The following PARL variants were observed in gnomAD, a reference collection of about 807,000 sequenced individuals.
The protein encoded by PARL is presenilin-associated rhomboid-like protein, mitochondrial.
PARL carries 44 observed loss-of-function variants against 51.6 expected under a neutral mutation model. The observed-to-expected ratio is 0.85, with a 90% CI of 0.67 to 1.10. The LOEUF (loss-of-function observed/expected upper bound fraction) is 1.10. Ranked by LOEUF, PARL falls within the 50% of genes least tolerant of loss-of-function variation. The probability of loss-of-function intolerance (pLI) is 0.00; values close to 1 mark genes in which losing one functional copy is unlikely to be tolerated. For missense variants in PARL, 441 were observed against 469.5 expected (o/e 0.94, Z 0.56); for synonymous variants, 172 against 164.0 (o/e 1.05, Z -0.37).
chr3:183,882,863 A>G (rs573649510), intron 1 of PARL, among the ~76,000 whole-genome samples: 1 of 152,224 alleles, frequency 6.6e-6, no homozygotes, highest in African/African-American at 2.4e-5. Flanking sequence ...TAATACATCA[A>G]ATGACACGGA....
At chr3:183,874,143 T>C (rs951596757) in intron 1 of PARL, among the ~76,000 whole-genome samples, 1 of 152,218 alleles carries the variant, frequency 6.6e-6, no homozygotes, top group African/African-American at 2.4e-5. Flanking sequence ...TTATCTGTTA[T>C]GGTGATTTGT....
Position 183,884,785 on chromosome 3 carries a change from A to C in PARL, c.62T>G (p.Val21Gly), listed in dbSNP as rs1278456130. Reference protein sequence around the residue: ...WGCGQAWGASVGGRSCEELTA... With the variant: ...WGCGQAWGASGGGRSCEELTA... ...GAGCTCCTCGCAGCTGCGGCCGCCC[A>C]CCGACGCACCCCACGCCTGGCCGCA... Residue 21 changes from valine (V) to glycine (G), a missense_variant, in exon 1 of 10, where the codon GTG becomes GGG. Val to Gly is a moderately radical substitution (Grantham distance 109). Coordinates refer to ENST00000317096, the MANE Select transcript of PARL (RefSeq NM_018622.7). 6.3e-7 allele frequency: 1 copy of C among 1,591,008 alleles called. No individual in the cohort carries two copies. Among genetic ancestry groups the C allele is most frequent in the Non-Finnish European group, 8.5e-7 (1 of 1,175,238 alleles).
At chr3:183,838,495 T>C (rs1333968901) in intron 7 of PARL, among the ~76,000 whole-genome samples, 8 of 152,218 alleles carry the variant, frequency 5.3e-5, no homozygotes, top group Non-Finnish European at 2.9e-5. Context: ...ATTAAGATAT[T>C]TGGGGATAAT....
intron 5 of PARL, chr3:183,843,403 G>C: frequency 2.5e-6 from 1 of 403,840 alleles, no homozygotes; most frequent in Non-Finnish European, 3.4e-6. Context: ...TGTAGTCCCA[G>C]CTCCTGGGGG....
chr3:183,835,452 C>A (rs1264282572), intron 7 of PARL, among the ~76,000 whole-genome samples: 1 of 152,148 alleles, frequency 6.6e-6, no homozygotes. Context: ...AACAGGGAAA[C>A]AAGCTCGGGT....
rs185230463 is a variant in PARL at position 183,848,462 on chromosome 3, C to T, written c.512-4136G>A. Among the ~76,000 whole-genome samples, 157 of 152,302 alleles carry T rather than the reference C, an allele frequency of 1.0e-3. 3 individuals carry two copies. In the East Asian group the frequency reaches 0.029, roughly 28 times the overall value. On this transcript the variant is annotated intron_variant, in intron 4 of 9. Transcript: ENST00000317096. Reference sequence around the variant, plus strand: ...TTCACCATGTCAGCCAGGATGGTCTCAATCTCCTGACCTCGTGATCTGCCC... The same window carrying T: ...TTCACCATGTCAGCCAGGATGGTCTTAATCTCCTGACCTCGTGATCTGCCC...
intron 6 of PARL, among the ~76,000 whole-genome samples, 198 bp downstream of exon 6, chr3:183,842,097 TAAG>T (rs928596506): frequency 2.6e-5 from 4 of 152,208 alleles, no homozygotes; most frequent in African/African-American, 7.2e-5. Flanking sequence ...AATTCATATG[TAAG>T]AAGAAATCAG....
In PARL at chr3:183,856,999, A is replaced by G. The variant is rs529702594; in HGVS notation, c.511+5754T>C. 1.6e-4 allele frequency among the ~76,000 whole-genome samples: 25 copies of G among 152,364 alleles called. No homozygotes were observed. The South Asian group carries it at 5.0e-3, about 30-fold the overall frequency. On this transcript the variant is annotated intron_variant, in intron 4 of 9. Coordinates refer to ENST00000317096, the MANE Select transcript of PARL (RefSeq NM_018622.7). The stretch of plus-strand genomic sequence containing the variant: ...TTCATAAAAGCAGAAGACTGAAAAC[A>G]ACCTAAATATCTATTAATAAAAGAT...
intron 4 of PARL, among the ~76,000 whole-genome samples, chr3:183,853,438 C>A (rs1385212904): frequency 2.0e-5 from 3 of 152,090 alleles, no homozygotes; most frequent in South Asian, 2.1e-4. Context: ...GTGGCACACG[C>A]CTGTAATCCC....
At chr3:183,867,671 A>G (rs1026567178) in intron 2 of PARL, among the ~76,000 whole-genome samples, 194 bp downstream of exon 2, 41 of 150,914 alleles carry the variant, frequency 2.7e-4, no homozygotes, top group African/African-American at 6.6e-4. Flanking sequence ...CTGCACTCCA[A>G]CCTGGGCGAC....
At chr3:183,883,199 A>G (rs1734756738) in intron 1 of PARL, among the ~76,000 whole-genome samples, 1 of 152,174 alleles carries the variant, frequency 6.6e-6, no homozygotes, top group African/African-American at 2.4e-5. Context: ...TCCCCTTCCT[A>G]AAACCAATAC....
intron 1 of PARL, among the ~76,000 whole-genome samples, chr3:183,874,601 G>A (rs887146531): frequency 2.0e-5 from 3 of 151,964 alleles, no homozygotes; most frequent in African/African-American, 7.3e-5. Flanking sequence ...CAGAGATGGG[G>A]TTTCGCCATG....
At chr3:183,851,869 A>G (rs1297035805) in intron 4 of PARL, among the ~76,000 whole-genome samples, 1 of 152,186 alleles carries the variant, frequency 6.6e-6, no homozygotes, top group Admixed American at 6.5e-5. Flanking sequence ...TTTAAAAAAA[A>G]GGAAAATAGG....
At chr3:183,826,519 T>C (rs571402236), downstream of PARL, 1 of 719,216 alleles carries the variant, frequency 1.4e-6, no homozygotes, top group African/African-American at 1.9e-5. Flanking sequence ...TTCAAGGTTG[T>C]ACTTGGAAGG....
chr3:183,871,394 G>A (rs1244604919), intron 1 of PARL, among the ~76,000 whole-genome samples: 1 of 151,910 alleles, frequency 6.6e-6, no homozygotes, highest in African/African-American at 2.4e-5. Flanking sequence ...TTCCAGCTGG[G>A]GTGCTGTTTA....
chr3:183,846,066 T>C (rs146754512), intron 4 of PARL, among the ~76,000 whole-genome samples: 11 of 152,226 alleles, frequency 7.2e-5, no homozygotes, highest in East Asian at 1.9e-4. Flanking sequence ...GTCAGTTCCA[T>C]GGGCAACTTC....
intron 9 of PARL, among the ~76,000 whole-genome samples, chr3:183,832,605 A>AACAT (rs1215577464): frequency 1.3e-5 from 2 of 152,222 alleles, no homozygotes; most frequent in Non-Finnish European, 2.9e-5. Context: ...GGCAAAAGGC[A>AACAT]ACATTTATGT....
Position 183,884,878 on chromosome 3 carries a change from C to A in PARL, c.-32G>T. On this transcript the variant is annotated 5_prime_UTR_variant, in exon 1 of 10. It adds an upstream start codon to the 5' untranslated region. Coordinates refer to ENST00000317096, the MANE Select transcript of PARL (RefSeq NM_018622.7). ...AACCTCTGCCCCACCATGGCCCGACCTTACCAACCCCAGCTGCGCAACTAC... is the reference window on the plus strand; with the variant it reads ...AACCTCTGCCCCACCATGGCCCGACATTACCAACCCCAGCTGCGCAACTAC... 1 of 1,595,716 alleles carries A rather than the reference C, an allele frequency of 6.3e-7. No homozygotes were observed.
chr3:183,841,348 T>C (rs1729291015), intron 6 of PARL, among the ~76,000 whole-genome samples: 1 of 152,210 alleles, frequency 6.6e-6, no homozygotes, highest in Non-Finnish European at 1.5e-5. Flanking sequence ...TCAGCTTCTT[T>C]TTTTGAAGGA....
Sources: allele counts gnomAD v4.1 joint callset (sites outside exome capture counted in the v4.1 genomes callset), GRCh38; gene constraint gnomAD v4.1.1; transcripts MANE v1.5; gene names NCBI Gene and HGNC (gene_info 2026-07-23, HGNC 2026-07-21).